Variants in PSD3 observed in about 807,000 individuals in gnomAD.
PSD3 encodes PH and SEC7 domain-containing protein 3.
A neutral mutation model predicts 105.5 loss-of-function variants in PSD3; 49 were observed. That is an observed-to-expected ratio of 0.46 (90% CI 0.37 to 0.59). The LOEUF (loss-of-function observed/expected upper bound fraction) is 0.59, where lower values mean the gene tolerates loss of function less well. PSD3 is among the 20% of genes least tolerant of loss of function. PSD3 has a pLI of 0.00. For missense variants in PSD3, 1,561 were observed against 1,263.8 expected (o/e 1.24, Z -3.57); for synonymous variants, 557 against 457.8 (o/e 1.22, Z -2.77).
chr8:18,969,564 T>G (rs1178043614), intron 1 of PSD3, among the ~76,000 whole-genome samples: 1 of 152,254 alleles, frequency 6.6e-6, no homozygotes, highest in African/African-American at 2.4e-5. Flanking sequence ...AGAGGTCATA[T>G]ACCTTCTTTG....
intron 7 of PSD3, 91 bp from the exon 8 acceptor site, chr8:18,799,444 A>T (rs1810492442): frequency 2.0e-6 from 2 of 1,010,360 alleles, no homozygotes; most frequent in Non-Finnish European, 3.1e-6. Flanking sequence ...CTCAGAACCT[A>T]TGAAAACAGT....
At chr8:18,997,398 A>C (rs1399508046) in intron 1 of PSD3, among the ~76,000 whole-genome samples, 1 of 151,780 alleles carries the variant, frequency 6.6e-6, no homozygotes, top group Non-Finnish European at 1.5e-5. Context: ...CTCAACCTTC[A>C]AAACATACCA....
chr8:18,650,947 G>A (rs1411657356), intron 10 of PSD3, among the ~76,000 whole-genome samples: 1 of 152,104 alleles, frequency 6.6e-6, no homozygotes. Context: ...GAAAATCCTG[G>A]CCTTCCCACC....
At chr8:18,616,096 C>A (rs554888497) in intron 11 of PSD3, among the ~76,000 whole-genome samples, 1 of 152,236 alleles carries the variant, frequency 6.6e-6, no homozygotes, top group Non-Finnish European at 1.5e-5. Context: ...GATAGGTGTT[C>A]CTGGCCCTCA....
At chr8:18,717,354 G>A (rs570631260) in intron 9 of PSD3, among the ~76,000 whole-genome samples, 13 of 152,206 alleles carry the variant, frequency 8.5e-5, no homozygotes, top group Non-Finnish European at 1.0e-4. Flanking sequence ...TGGGAGTGAG[G>A]AGTTCTTGCT....
intron 9 of PSD3, among the ~76,000 whole-genome samples, chr8:18,675,375 G>C (rs1355441162): frequency 2.0e-5 from 3 of 152,156 alleles, no homozygotes; most frequent in African/African-American, 7.2e-5. Flanking sequence ...TAGACTGTTT[G>C]AGATAGCTTC....
At chr8:18,555,954 G>A (rs190138448) in intron 15 of PSD3, among the ~76,000 whole-genome samples, 119 of 152,224 alleles carry the variant, frequency 7.8e-4, no homozygotes, top group Non-Finnish European at 7.4e-4. Context: ...CTCACAGCGG[G>A]CGCACACTAT....
chr8:19,064,724 A>G (rs1429742042), intron 1 of PSD3, among the ~76,000 whole-genome samples: 3 of 152,222 alleles, frequency 2.0e-5, no homozygotes, highest in African/African-American at 7.2e-5. Flanking sequence ...GTATTGCTTC[A>G]TTATTTGGTC....
intron 9 of PSD3, among the ~76,000 whole-genome samples, chr8:18,658,914 A>C (rs1009374363): frequency 2.6e-5 from 4 of 152,106 alleles, no homozygotes; most frequent in Admixed American, 1.3e-4. Context: ...TCCACTACAC[A>C]AGAAACACAT....
intron 9 of PSD3, among the ~76,000 whole-genome samples, chr8:18,757,550 C>G (rs1422679853): frequency 6.6e-6 from 1 of 152,132 alleles, no homozygotes; most frequent in East Asian, 1.9e-4. Context: ...AGGTAAGGGA[C>G]AAAGGGGCAA....
intron 9 of PSD3, among the ~76,000 whole-genome samples, chr8:18,755,569 T>A (rs1229210416): frequency 6.6e-6 from 1 of 152,262 alleles, no homozygotes; most frequent in East Asian, 1.9e-4. Flanking sequence ...ATGATCAAAT[T>A]GAAAATAAAT....
At chr8:18,658,197 C>A (rs1315426508) in intron 9 of PSD3, among the ~76,000 whole-genome samples, 1 of 152,168 alleles carries the variant, frequency 6.6e-6, no homozygotes, top group Admixed American at 6.5e-5. Context: ...CATCCCTATT[C>A]TTTTCAATTG....
rs561735289 is a variant in PSD3, at chr8:18,791,196, T to G, written c.2082+8099A>C. Among the ~76,000 whole-genome samples, 7 of 152,274 alleles carry G rather than the reference T, an allele frequency of 4.6e-5. 1 individual carries two copies. The highest frequency in any genetic ancestry group is 1.4e-4 in the African/African-American group (6 of 41,550). ...CAATGCTATCCCCATTAAACTACCATTGACCTTCTTCATTTAATTAGAAAA... is the reference window on the plus strand; with the variant it reads ...CAATGCTATCCCCATTAAACTACCAGTGACCTTCTTCATTTAATTAGAAAA... On this transcript the variant is annotated intron_variant, in intron 8 of 15. Coordinates refer to ENST00000327040, the MANE Select transcript of PSD3 (RefSeq NM_015310.4).
At chr8:18,882,152 G>T (rs981188213) in intron 2 of PSD3, among the ~76,000 whole-genome samples, 1 of 152,100 alleles carries the variant, frequency 6.6e-6, no homozygotes, top group Non-Finnish European at 1.5e-5. Flanking sequence ...AGGCTGCAGT[G>T]AACTGTGATT....
intron 4 of PSD3, among the ~76,000 whole-genome samples, chr8:18,828,047 G>GTGTATATATA (rs1554515316): frequency 3.2e-5 from 4 of 126,386 alleles, no homozygotes; most frequent in African/African-American, 1.2e-4. Context: ...ATATATATAT[G>GTGTATATATA]TATATATATA....
chr8:19,074,832 G>T (rs1208006629), intron 1 of PSD3, among the ~76,000 whole-genome samples: 1 of 151,496 alleles, frequency 6.6e-6, no homozygotes. Context: ...GTGTTAGCCA[G>T]GATGGTCTCG....
At position 18,865,943 on chromosome 8, in the gene PSD3, T is replaced by C. The variant is rs183179603; in HGVS notation, c.1634+1731A>G. Reference sequence around the variant, plus strand: ...CCCAAATGATGACAACCTCCTGTTCTAAGTGCACAAGCCGCACATTTAATA... The same window carrying C: ...CCCAAATGATGACAACCTCCTGTTCCAAGTGCACAAGCCGCACATTTAATA... On this transcript the variant is annotated intron_variant, in intron 4 of 15. Coordinates refer to ENST00000327040, the MANE Select transcript of PSD3 (RefSeq NM_015310.4). Among the ~76,000 whole-genome samples, 10 of 152,330 alleles carry C rather than the reference T, an allele frequency of 6.6e-5. No homozygotes were observed. The East Asian group carries it at 1.7e-3, about 26-fold the overall frequency.
chr8:18,655,328 C>CAAAAAAAAAAAAA (rs35143136), intron 10 of PSD3, among the ~76,000 whole-genome samples: 1 of 100,158 alleles, frequency 1.0e-5, no homozygotes, highest in Non-Finnish European at 2.1e-5. Flanking sequence ...GACTCCACCT[C>CAAAAAAAAAAAAA]AAAAAAAAAA....
rs141947756 is a variant in PSD3 at position 18,872,137 on chromosome 8, C to T, written c.727G>A (p.Val243Met). 411 of 1,614,122 alleles carry T rather than the reference C, an allele frequency of 2.5e-4. No homozygotes were observed. Among genetic ancestry groups the T allele is most frequent in the Non-Finnish European group, 3.3e-4 (387 of 1,180,006 alleles). The change falls in exon 3 of 16, where the codon GTG becomes ATG. Residue 243 changes from valine (V) to methionine (M), a missense_variant. Coordinates refer to ENST00000327040, the MANE Select transcript of PSD3 (RefSeq NM_015310.4). The stretch of plus-strand genomic sequence containing the variant: ...GCCAAAGGACAAGATGGCTCCTGCA[C>T]ACAGACAGCCCCTTTCCTCCCATTA... ...MNNGRKGAVC[V>M]QEPSCPLASL...
Sources: gnomAD v4.1 joint callset for allele counts (sites outside exome capture counted in the v4.1 genomes callset) on GRCh38, gnomAD v4.1.1 for gene constraint, MANE v1.5 for transcripts, NCBI Gene and HGNC (gene_info 2026-07-23, HGNC 2026-07-21) for gene names.